INTS1: variants seen among roughly 807,000 people sequenced by gnomAD.
INTS1 encodes the protein integrator complex subunit 1.
INTS1 carries 137 observed loss-of-function variants against 241.6 expected under a neutral mutation model. The ratio of observed to expected loss-of-function variants is 0.57; its 90% confidence interval spans 0.49 to 0.65. The LOEUF (loss-of-function observed/expected upper bound fraction) is 0.65. Among genes scored for constraint, INTS1 ranks in the 30% least tolerant of loss-of-function variants. The probability of loss-of-function intolerance (pLI) is 0.00; values close to 1 mark genes in which losing one functional copy is unlikely to be tolerated. For missense variants in INTS1, 3,073 were observed against 3,032.2 expected (o/e 1.01, Z -0.32); for synonymous variants, 1,692 against 1,337.8 (o/e 1.26, Z -5.78).
rs754985402 is a variant in INTS1, at chr7:1,481,486, G to T, written c.3706C>A (p.Leu1236Met). ...AGCTGCTGCGGCTCCAGGTCCTGCAGGGCTGAGGGTGCACGCGCTCCGTAA... is the reference window on the plus strand; with the variant it reads ...AGCTGCTGCGGCTCCAGGTCCTGCATGGCTGAGGGTGCACGCGCTCCGTAA... ...SEVLRLVDAA[L>M]QDLEPQQLLL... Residue 1236 changes from leucine to methionine, a missense_variant and splice_region_variant, in exon 28 of 48, where the codon CTG becomes ATG. Physicochemically the swap from Leu to Met is conservative, Grantham distance 15 (BLOSUM62 2). Transcript: ENST00000404767. The surrounding 1 kb of genome is among the most constrained non-coding windows in gnomAD (Gnocchi z 6.8). 6.2e-7 allele frequency: 1 copy of T among 1,607,696 alleles called. No individual in the cohort carries two copies. Among genetic ancestry groups the T allele is most frequent in the East Asian group, 2.2e-5 (1 of 44,780 alleles).
chr7:1,471,687 A>G, intron 44 of INTS1, 46 bp from the exon 45 acceptor site: 1 of 1,580,124 alleles, frequency 6.3e-7, no homozygotes, highest in African/African-American at 1.3e-5. Context: ...GCCCAGGCAG[A>G]CCTCTGCCCA....
chr7:1,481,511 ACGCCACCCAAAACC>A lies in INTS1; in HGVS notation c.3704-37_3704-24del. 2 of 1,587,384 alleles carry A rather than the reference ACGCCACCCAAAACC, an allele frequency of 1.3e-6. No individual in the cohort carries two copies. Among genetic ancestry groups the A allele is most frequent in the Non-Finnish European group, 1.7e-6 (2 of 1,166,748 alleles). On this transcript the variant is annotated intron_variant, in intron 27 of 47. Transcript: ENST00000404767. The surrounding 1 kb of genome is among the most constrained non-coding windows in gnomAD (Gnocchi z 6.8). ...GGGCTGAGGGTGCACGCGCTCCGTA[ACGCCACCCAAAACC>A]CGGGCAATGCGCACTCGGGACCCCA...
At chr7:1,495,296 TG>T in intron 13 of INTS1, 136 bp downstream of exon 13, 2 of 1,044,674 alleles carry the variant, frequency 1.9e-6, no homozygotes, top group Non-Finnish European at 2.7e-6. Flanking sequence ...CCCGGCTTAG[TG>T]GGGTGTGGGG....
chr7:1,470,852 A>T lies in INTS1; in HGVS notation c.6451T>A (p.Cys2151Ser). ...LRNLPEYALL[C>S]QEHAAVLLHR... is the part of the protein sequence containing the mutation. ...GCGGGGGGCCAGTCCTCACCTTGGCACAGGAGAGCGTACTCAGGCAGGTTC... is the reference window on the plus strand; with the variant it reads ...GCGGGGGGCCAGTCCTCACCTTGGCTCAGGAGAGCGTACTCAGGCAGGTTC... The change falls in exon 47 of 48, where the codon TGC becomes AGC. Residue 2151 changes from cysteine to serine, a missense_variant. Coordinates refer to ENST00000404767, the MANE Select transcript of INTS1 (RefSeq NM_001080453.3). The T allele has an allele frequency of 1.3e-6, 2 of 1,587,822 alleles. No individual in the cohort carries two copies. Among genetic ancestry groups the T allele is most frequent in the Non-Finnish European group, 1.7e-6 (2 of 1,168,002 alleles).
At chr7:1,489,196 A>C (rs1321181319) in intron 18 of INTS1, 148 bp downstream of exon 18, 3 of 638,438 alleles carry the variant, frequency 4.7e-6, no homozygotes, top group Non-Finnish European at 8.1e-6. Context: ...GCAGGCTTAG[A>C]TCCAGAAGCT....
Position 1,497,037 on chromosome 7 carries a change from C to A in INTS1, c.1602+101G>T. ...TCCCCGTACCCACGCTCAGCCAGAG[C>A]ATCCGAAGGGGTGGAGTGTGCATGG... is the stretch of plus-strand genomic sequence containing the variant. On this transcript the variant is annotated intron_variant, in intron 11 of 47. Transcript: ENST00000404767. The surrounding 1 kb of genome is among the most constrained non-coding windows in gnomAD (Gnocchi z 5.3). The A allele has an allele frequency of 8.3e-7, 1 of 1,205,654 alleles. No homozygotes were observed. Among genetic ancestry groups the A allele is most frequent in the South Asian group, 1.6e-5 (1 of 64,324 alleles). The allele number at this position is 1,205,654 out of a possible 1,614,324, so 74.7% of individuals were successfully genotyped here. A position where few individuals can be genotyped will look rare whatever the true frequency, so the allele number is the denominator to read the frequency against.
intron 13 of INTS1, 109 bp downstream of exon 13, chr7:1,495,324 C>T: frequency 7.4e-7 from 1 of 1,344,454 alleles, no homozygotes; most frequent in Non-Finnish European, 1.0e-6. Flanking sequence ...CTGTGCGGGG[C>T]CTGGCTTGTC....
chr7:1,490,048 C>A (rs1782471541), intron 16 of INTS1, among the ~76,000 whole-genome samples: 1 of 150,952 alleles, frequency 6.6e-6, no homozygotes, highest in African/African-American at 2.5e-5. Context: ...TAAATCAAAG[C>A]ACGGGCCCCT....
chr7:1,476,087 C>G lies in INTS1; in HGVS notation c.5379-16G>C, dbSNP rs1325305783. 1 of 1,534,170 alleles carries G rather than the reference C, an allele frequency of 6.5e-7. No homozygotes were observed. The highest frequency in any genetic ancestry group is 2.0e-5 in the Admixed American group (1 of 50,820). On this transcript the variant is annotated splice_polypyrimidine_tract_variant and intron_variant, in intron 38 of 47. Coordinates refer to ENST00000404767, the MANE Select transcript of INTS1 (RefSeq NM_001080453.3). ...GCCCAGCACGCTGGAAGAGGTGGAGCAGGGCTCACCAGGCGGACGGGGCCC... is the reference window on the plus strand; with the variant it reads ...GCCCAGCACGCTGGAAGAGGTGGAGGAGGGCTCACCAGGCGGACGGGGCCC...
chr7:1,485,733 C>T (rs1182058968), intron 22 of INTS1, among the ~76,000 whole-genome samples: 1 of 152,250 alleles, frequency 6.6e-6, no homozygotes, highest in Non-Finnish European at 1.5e-5. Context: ...TCCACCTTCA[C>T]GTTTCACTAG....
At chr7:1,477,215 T>C (rs1781765544) in intron 35 of INTS1, among the ~76,000 whole-genome samples, 1 of 152,178 alleles carries the variant, frequency 6.6e-6, no homozygotes, top group Non-Finnish European at 1.5e-5. Context: ...CCCTCCCTTC[T>C]CCTGGCCACA....
At chr7:1,496,860 C>T (rs1161116358) in intron 11 of INTS1, among the ~76,000 whole-genome samples, 2 of 152,206 alleles carry the variant, frequency 1.3e-5, no homozygotes, top group Non-Finnish European at 2.9e-5. Context: ...TGCCTCCCTG[C>T]TCCCGTGCTC....
At chr7:1,502,781 G>A (rs915211130) in intron 3 of INTS1, 120 bp downstream of exon 3, 19 of 1,078,074 alleles carry the variant, frequency 1.8e-5, no homozygotes, top group Middle Eastern at 2.3e-4. Context: ...ACAAACATCC[G>A]CTCTCCCAAA....
rs559403998 is a variant in INTS1, at chr7:1,474,952, G to C, written c.5503-114C>G. On this transcript the variant is annotated intron_variant, in intron 39 of 47. Transcript: ENST00000404767. The stretch of plus-strand genomic sequence containing the variant: ...TCCACCGCGTGGCACGCCATGAGCA[G>C]AGGAACTGGCTCCTTACGGCTTCCA... The C allele has an allele frequency of 3.7e-5, 51 of 1,377,200 alleles. No homozygotes were observed. The East Asian group carries it at 1.3e-3, about 35-fold the overall frequency. The allele number at this position is 1,377,200 out of a possible 1,614,324, so 85.3% of individuals were successfully genotyped here. A position where few individuals can be genotyped will look rare whatever the true frequency, so the allele number is the denominator to read the frequency against.
chr7:1,498,118 A>G (rs766656400), intron 10 of INTS1, among the ~76,000 whole-genome samples: 19 of 152,328 alleles, frequency 1.2e-4, no homozygotes, highest in Non-Finnish European at 2.1e-4. Context: ...ACAGAAGGCA[A>G]CAGGTCTGGG....
At chr7:1,495,378 C>T in intron 13 of INTS1, 55 bp downstream of exon 13, 2 of 1,567,266 alleles carry the variant, frequency 1.3e-6, no homozygotes, top group Non-Finnish European at 1.7e-6. Context: ...GGGGCCCCGG[C>T]TTGTCCCGGC....
intron 22 of INTS1, 119 bp from the exon 23 acceptor site, chr7:1,485,588 C>T (rs1183032410): frequency 1.3e-5 from 14 of 1,062,044 alleles, no homozygotes; most frequent in Non-Finnish European, 1.6e-5. Flanking sequence ...GCGCTTGCTT[C>T]CCACGGGAGA....
In INTS1 at chr7:1,481,451, G is replaced by C. The variant is rs762359836; in HGVS notation, c.3741C>G (p.Phe1247Leu). 1.9e-6 allele frequency: 3 copies of C among 1,611,698 alleles called. No homozygotes were observed. The highest frequency in any genetic ancestry group is 1.1e-5 in the South Asian group (1 of 91,084). ...ACACGGGGATGCCAAACGACTGCAC[G>C]AACAGCAGCAGCTGCTGCGGCTCCA... ...QDLEPQQLLL[F>L]VQSFGIPVSS... The change falls in exon 28 of 48, where the codon TTC (phenylalanine) becomes TTG (leucine). Residue 1247 changes from phenylalanine (F) to leucine (L), a missense_variant. Coordinates refer to ENST00000404767, the MANE Select transcript of INTS1 (RefSeq NM_001080453.3). This position sits in a 1 kb window ranked among gnomAD's most constrained non-coding sequence, Gnocchi z 6.8.
chr7:1,488,800 A>G (rs1782404561), intron 18 of INTS1, among the ~76,000 whole-genome samples: 1 of 152,110 alleles, frequency 6.6e-6, no homozygotes, highest in Admixed American at 6.5e-5. Flanking sequence ...GTGGGCACCA[A>G]TGCTGCCAGG....
Sources: allele counts gnomAD v4.1 joint callset (sites outside exome capture counted in the v4.1 genomes callset), GRCh38; gene constraint gnomAD v4.1.1; non-coding constraint Gnocchi (gnomAD v3.1); transcripts MANE v1.5; gene names NCBI Gene and HGNC (gene_info 2026-07-23, HGNC 2026-07-21).